The following CADPS variants were observed in gnomAD, a reference collection of about 807,000 sequenced individuals.
The protein encoded by CADPS is calcium dependent secretion activator.
In CADPS, 57 loss-of-function variants were observed where a neutral mutation model predicts 167.3. The ratio of observed to expected loss-of-function variants is 0.34; its 90% confidence interval spans 0.28 to 0.42. The LOEUF (loss-of-function observed/expected upper bound fraction) is 0.42, where lower values mean the gene tolerates loss of function less well. Ranked by LOEUF, CADPS falls within the 20% of genes least tolerant of loss-of-function variation. CADPS has a pLI of 1.00. For synonymous variants in CADPS, 676 were observed against 635.3 expected, an observed-to-expected ratio of 1.06 and a Z score of -0.96; for missense variants, 1,414 against 1,738.1, an observed-to-expected ratio of 0.81 and a Z score of 3.32.
At chr3:62,512,541 A>T (rs369927270) in intron 17 of CADPS, among the ~76,000 whole-genome samples, 9 of 152,270 alleles carry the variant, frequency 5.9e-5, no homozygotes, top group East Asian at 5.8e-4. Context: ...TTTAAAGCTT[A>T]TGCCTTTTCA....
rs192851596 is a variant in CADPS, at chr3:62,710,831, A to T, written c.888+42610T>A. 2.6e-5 allele frequency among the ~76,000 whole-genome samples: 4 copies of T among 152,076 alleles called. No homozygotes were observed. The East Asian group carries it at 7.7e-4, about 29-fold the overall frequency. On this transcript the variant is annotated intron_variant, in intron 3 of 29. Transcript: ENST00000383710. ...AATTAAATTAATTATCAGAGCAAAG[A>T]GGAAATTAAACACTCAGGCTAACCG...
intron 23 of CADPS, among the ~76,000 whole-genome samples, chr3:62,476,177 G>A (rs2061297806): frequency 6.6e-6 from 1 of 152,108 alleles, no homozygotes; most frequent in Non-Finnish European, 1.5e-5. Flanking sequence ...CATGAGGAGT[G>A]CCTTATTGAC....
At chr3:62,847,381 A>C (rs1577255030) in intron 1 of CADPS, among the ~76,000 whole-genome samples, 5 of 99,280 alleles carry the variant, frequency 5.0e-5, no homozygotes, top group East Asian at 6.2e-4. Context: ...GCACCCACTA[A>C]CTCGTCATCT....
intron 3 of CADPS, among the ~76,000 whole-genome samples, chr3:62,691,404 G>A (rs1178829979): frequency 6.6e-6 from 1 of 151,946 alleles, no homozygotes; most frequent in Non-Finnish European, 1.5e-5. Flanking sequence ...TTGGTAGTAG[G>A]GGAGGCTGTG....
chr3:62,789,282 C>A (rs555576324), intron 1 of CADPS, among the ~76,000 whole-genome samples: 2 of 152,094 alleles, frequency 1.3e-5, no homozygotes, highest in Admixed American at 6.6e-5. Flanking sequence ...AGTGAGGAAA[C>A]CAAGACTTAA....
intron 8 of CADPS, among the ~76,000 whole-genome samples, chr3:62,584,934 T>A (rs777167881): frequency 9.9e-5 from 15 of 152,168 alleles, no homozygotes; most frequent in Non-Finnish European, 1.8e-4. Flanking sequence ...GCTAGGAAAG[T>A]TTTGAATTGT....
chr3:62,850,114 G>A (rs1371330509), intron 1 of CADPS, among the ~76,000 whole-genome samples: 11 of 105,548 alleles, frequency 1.0e-4, no homozygotes, highest in East Asian at 2.3e-4. Context: ...CTGTGGGATC[G>A]GTGGTGGTAT....
chr3:62,815,108 AAATG>A (rs1474934683), intron 1 of CADPS, among the ~76,000 whole-genome samples: 1 of 152,198 alleles, frequency 6.6e-6, no homozygotes, highest in Non-Finnish European at 1.5e-5. Flanking sequence ...TTCTTAAAAT[AAATG>A]AAGATAAAAT....
At chr3:62,855,402 T>G (rs2079486506) in intron 1 of CADPS, among the ~76,000 whole-genome samples, 1 of 152,116 alleles carries the variant, frequency 6.6e-6, no homozygotes, top group Non-Finnish European at 1.5e-5. Flanking sequence ...TGATTTTAAA[T>G]TTTTTAAAGT....
At chr3:62,637,906 C>A (rs1318875962) in intron 6 of CADPS, among the ~76,000 whole-genome samples, 3 of 151,926 alleles carry the variant, frequency 2.0e-5, no homozygotes, top group East Asian at 3.9e-4. Context: ...CTGTGAAATA[C>A]CTAGCATGGC....
At chr3:62,591,892 G>A (rs2086127273) in intron 7 of CADPS, among the ~76,000 whole-genome samples, 1 of 152,158 alleles carries the variant, frequency 6.6e-6, no homozygotes, top group Admixed American at 6.6e-5. Context: ...GCATCTTCCT[G>A]CATCCCATCT....
chr3:62,491,304 C>G, intron 21 of CADPS, 35 bp downstream of exon 21: 1 of 1,607,932 alleles, frequency 6.2e-7, no homozygotes, highest in Non-Finnish European at 8.5e-7. Flanking sequence ...CCATTTGTAC[C>G]CAAACTCCGA....
chr3:62,419,826 T>A (rs2050927529), intron 28 of CADPS, among the ~76,000 whole-genome samples: 1 of 152,132 alleles, frequency 6.6e-6, no homozygotes, highest in African/African-American at 2.4e-5. Context: ...TAGTAACTCA[T>A]GTACAGAACG....
chr3:62,555,223 T>A (rs1355010080), intron 10 of CADPS, among the ~76,000 whole-genome samples: 1 of 152,070 alleles, frequency 6.6e-6, no homozygotes, highest in Non-Finnish European at 1.5e-5. Flanking sequence ...ACATTTTACA[T>A]CTTTCCATTT....
chr3:62,565,977 CA>C (rs1406597430), intron 9 of CADPS, among the ~76,000 whole-genome samples: 1 of 152,146 alleles, frequency 6.6e-6, no homozygotes, highest in Non-Finnish European at 1.5e-5. Context: ...GTCCTCTCTT[CA>C]TCTTTGTTTT....
At chr3:62,738,926 A>G (rs1411666584) in intron 3 of CADPS, among the ~76,000 whole-genome samples, 1 of 152,194 alleles carries the variant, frequency 6.6e-6, no homozygotes, top group African/African-American at 2.4e-5. Context: ...GCTTTAAACA[A>G]TTTTATGCCA....
At chr3:62,547,126 T>A (rs1240593797) in intron 11 of CADPS, among the ~76,000 whole-genome samples, 1 of 152,216 alleles carries the variant, frequency 6.6e-6, no homozygotes, top group Non-Finnish European at 1.5e-5. Flanking sequence ...GCAGTTTTTA[T>A]TAAGTGCTTA....
At chr3:62,578,820 T>C (rs896481648) in intron 8 of CADPS, among the ~76,000 whole-genome samples, 10 of 152,110 alleles carry the variant, frequency 6.6e-5, no homozygotes, top group Non-Finnish European at 1.5e-4. Context: ...CTTGATCTAA[T>C]TGACGTTTAT....
At chr3:62,488,649 G>A (rs1213157219) in intron 21 of CADPS, among the ~76,000 whole-genome samples, 1 of 151,882 alleles carries the variant, frequency 6.6e-6, no homozygotes, top group Non-Finnish European at 1.5e-5. Flanking sequence ...GTGCCACCAT[G>A]CCTGGCTACT....
Sources: gnomAD v4.1 joint callset for allele counts (sites outside exome capture counted in the v4.1 genomes callset) on GRCh38, gnomAD v4.1.1 for gene constraint, MANE v1.5 for transcripts, NCBI Gene and HGNC (gene_info 2026-07-23, HGNC 2026-07-21) for gene names.